Variants in GTF2F2 observed in about 807,000 individuals in gnomAD.
The protein encoded by GTF2F2 is ATP-dependent helicase GTF2F2.
Under a neutral mutation model 42.2 loss-of-function variants are expected in GTF2F2, and 23 were observed. The observed-to-expected ratio is 0.55, with a 90% CI of 0.39 to 0.77. The LOEUF is 0.77. GTF2F2 is among the 30% of genes least tolerant of loss of function. The pLI is 0.00. For missense variants in GTF2F2, 261 were observed against 287.2 expected (o/e 0.91, Z 0.66); for synonymous variants, 105 against 100.8 (o/e 1.04, Z -0.25).
chr13:45,125,423 G>A (rs1868937763), intron 1 of GTF2F2, among the ~76,000 whole-genome samples: 1 of 152,028 alleles, frequency 6.6e-6, no homozygotes, highest in Non-Finnish European at 1.5e-5. Context: ...AGGTTCAAGC[G>A]ATTCTCCTGC....
intron 4 of GTF2F2, among the ~76,000 whole-genome samples, chr13:45,176,820 G>A (rs887744980): frequency 5.3e-5 from 8 of 151,362 alleles, no homozygotes; most frequent in South Asian, 2.1e-4. Context: ...GGACGGTCTC[G>A]CTCCACCCAG....
At chr13:45,200,432 G>A (rs1464981048) in intron 4 of GTF2F2, among the ~76,000 whole-genome samples, 2 of 151,762 alleles carry the variant, frequency 1.3e-5, no homozygotes, top group Admixed American at 6.6e-5. Flanking sequence ...GGAAACTCCC[G>A]TATAGTTGGG....
rs113540388 is a variant in GTF2F2, at chr13:45,140,048, C to CT, written c.140+3250dup. On this transcript the variant is annotated intron_variant, in intron 2 of 7. Transcript: ENST00000340473. ...AATAGTTGTTACTATTTGTTTTTCT[C>CT]TTTTTTTTGAAACAGGGTCTCACTC... is the stretch of plus-strand genomic sequence containing the variant. Among the ~76,000 whole-genome samples the CT allele has an allele frequency of 8.3e-3, 1,260 of 151,134 alleles. 21 individuals carry two copies. The highest frequency in any genetic ancestry group is 0.029 in the African/African-American group (1,203 of 41,226).
intron 4 of GTF2F2, among the ~76,000 whole-genome samples, chr13:45,160,353 T>A (rs1017113561): frequency 3.3e-5 from 5 of 152,216 alleles, no homozygotes; most frequent in African/African-American, 1.2e-4. Flanking sequence ...TTTCAGATAG[T>A]TGTGGACATT....
intron 4 of GTF2F2, among the ~76,000 whole-genome samples, chr13:45,197,507 T>G (rs1593485769): frequency 9.7e-6 from 1 of 102,990 alleles, no homozygotes. Flanking sequence ...AGACCCTGTC[T>G]CCAAAAAAAA....
intron 4 of GTF2F2, among the ~76,000 whole-genome samples, chr13:45,173,369 CTGTGTG>C (rs374858973): frequency 2.8e-4 from 42 of 147,428 alleles, no homozygotes; most frequent in Middle Eastern, 3.4e-3. Flanking sequence ...TTGTACTTAA[CTGTGTG>C]TGTGTGTGTG....
intron 3 of GTF2F2, among the ~76,000 whole-genome samples, chr13:45,150,651 A>G (rs1054114372): frequency 7.0e-6 from 1 of 142,494 alleles, no homozygotes; most frequent in African/African-American, 2.9e-5. Flanking sequence ...TTTAGGGAAA[A>G]AAAAAAAATC....
chr13:45,259,640 C>T (rs1472798877), intron 6 of GTF2F2, among the ~76,000 whole-genome samples: 1 of 141,780 alleles, frequency 7.1e-6, no homozygotes, highest in East Asian at 2.1e-4. Flanking sequence ...TTCTCGCAAA[C>T]CTAGAACTTT....
chr13:45,278,513 A>G (rs940564118), intron 7 of GTF2F2, among the ~76,000 whole-genome samples: 1 of 152,116 alleles, frequency 6.6e-6, no homozygotes, highest in African/African-American at 2.4e-5. Flanking sequence ...ACATATCCCC[A>G]ATCCTATGTG....
chr13:45,145,448 C>A (rs762183984), intron 2 of GTF2F2, among the ~76,000 whole-genome samples: 2 of 152,130 alleles, frequency 1.3e-5, no homozygotes, highest in African/African-American at 2.4e-5. Flanking sequence ...TCTGGATACC[C>A]CAAATGCTTC....
chr13:45,138,851 G>T (rs1869770561), intron 2 of GTF2F2, among the ~76,000 whole-genome samples: 1 of 152,138 alleles, frequency 6.6e-6, no homozygotes, highest in African/African-American at 2.4e-5. Context: ...TCGCCATGTT[G>T]GCCAAGCTGG....
At chr13:45,203,656 T>C (rs1243206947) in intron 4 of GTF2F2, among the ~76,000 whole-genome samples, 3 of 152,194 alleles carry the variant, frequency 2.0e-5, no homozygotes, top group Non-Finnish European at 2.9e-5. Flanking sequence ...ATAATCAGAT[T>C]ACATAATTAT....
At chr13:45,153,323 T>G (rs545693412) in intron 4 of GTF2F2, among the ~76,000 whole-genome samples, 5 of 152,142 alleles carry the variant, frequency 3.3e-5, no homozygotes, top group Non-Finnish European at 5.9e-5. Flanking sequence ...CGGCCGAATT[T>G]TTTTTGTGGT....
intron 5 of GTF2F2, among the ~76,000 whole-genome samples, chr13:45,233,099 C>T (rs1428678781): frequency 6.6e-6 from 1 of 152,138 alleles, no homozygotes. Context: ...TGCATTAAAT[C>T]CACAAAGCTG....
intron 4 of GTF2F2, among the ~76,000 whole-genome samples, chr13:45,183,699 C>T (rs570343145): frequency 6.6e-6 from 1 of 152,222 alleles, no homozygotes; most frequent in African/African-American, 2.4e-5. Context: ...GCCCCATCAC[C>T]TCATGAGATC....
chr13:45,240,830 A>G (rs1430864045), intron 5 of GTF2F2, among the ~76,000 whole-genome samples: 1 of 151,492 alleles, frequency 6.6e-6, no homozygotes, highest in African/African-American at 2.4e-5. Flanking sequence ...CTACCTCTCA[A>G]AAAAAGGAAA....
chr13:45,205,765 G>C (rs1262191122), intron 4 of GTF2F2, among the ~76,000 whole-genome samples: 2 of 152,084 alleles, frequency 1.3e-5, no homozygotes, highest in East Asian at 1.9e-4. Context: ...TGATCTGCCT[G>C]CCTCGGCCTC....
At chr13:45,259,332 A>C (rs1876235038) in intron 6 of GTF2F2, among the ~76,000 whole-genome samples, 2 of 152,154 alleles carry the variant, frequency 1.3e-5, no homozygotes, top group African/African-American at 4.8e-5. Flanking sequence ...AGGCTGAGGC[A>C]GGAGAATTGC....
At chr13:45,247,012 C>G (rs945423653) in intron 5 of GTF2F2, among the ~76,000 whole-genome samples, 8 of 144,662 alleles carry the variant, frequency 5.5e-5, no homozygotes, top group Non-Finnish European at 9.0e-5. Flanking sequence ...GCACTCCAGC[C>G]TGGGCGACAG....
Sources: allele counts gnomAD v4.1 joint callset (sites outside exome capture counted in the v4.1 genomes callset), GRCh38; gene constraint gnomAD v4.1.1; transcripts MANE v1.5; gene names NCBI Gene and HGNC (gene_info 2026-07-23, HGNC 2026-07-21).